The following ADAM18 variants were observed in gnomAD, a reference collection of about 807,000 sequenced individuals.
ADAM18 encodes the protein disintegrin and metalloproteinase domain-containing protein 18.
Under a neutral mutation model 94.4 loss-of-function variants are expected in ADAM18, and 117 were observed. The ratio of observed to expected loss-of-function variants is 1.24; its 90% CI spans 1.07 to 1.45. The LOEUF is 1.45. Among genes scored for constraint, ADAM18 ranks in the 40% most tolerant of loss-of-function variants. The pLI, the probability that ADAM18 is intolerant of heterozygous loss-of-function variation, is 0.00. For missense variants in ADAM18, 936 were observed against 880.0 expected, an observed-to-expected ratio of 1.06 and a Z score of -0.81; for synonymous variants, 327 against 291.6, an observed-to-expected ratio of 1.12 and a Z score of -1.24.
intron 2 of ADAM18, among the ~76,000 whole-genome samples, chr8:39,605,472 TGA>T (rs933143249): frequency 6.6e-5 from 10 of 152,250 alleles, no homozygotes; most frequent in African/African-American, 2.4e-4. Context: ...TTTTATATGT[TGA>T]GAGAGAGATG....
intron 18 of ADAM18, among the ~76,000 whole-genome samples, chr8:39,716,070 T>C (rs1330962423): frequency 2.6e-5 from 4 of 152,078 alleles, no homozygotes; most frequent in African/African-American, 9.7e-5. Context: ...TTCCTGATTT[T>C]ATTTATTTGC....
At chr8:39,592,994 A>T (rs1818621747) in intron 2 of ADAM18, among the ~76,000 whole-genome samples, 1 of 152,158 alleles carries the variant, frequency 6.6e-6, no homozygotes, top group Non-Finnish European at 1.5e-5. Flanking sequence ...GATCTTACAG[A>T]TCACTTGTTT....
intron 7 of ADAM18, among the ~76,000 whole-genome samples, chr8:39,630,341 G>A (rs73605969): frequency 0.036 from 5,432 of 151,192 alleles, 248 homozygotes; most frequent in African/African-American, 0.11. Flanking sequence ...AAATAATTAT[G>A]AGGCACTACG....
In ADAM18 at chr8:39,663,797, A is replaced by G. The variant is rs774496009; in HGVS notation, c.1233A>G (p.Glu411=). 3 of 1,606,362 alleles carry G rather than the reference A, an allele frequency of 1.9e-6. No individual in the cohort carries two copies. The highest frequency in any genetic ancestry group is 2.6e-6 in the Non-Finnish European group (3 of 1,175,746). Residue 411 remains glutamate, a splice_region_variant and synonymous_variant, in exon 13 of 20, where the codon GAA becomes GAG. Transcript: ENST00000265707. ...NEECDCGNKN[E]CQFKKCCDYN... is the part of the protein sequence containing the mutation. ...TATTTCTTCCTGTAAAATTTTAGGA[A>G]TGTCAATTTAAGAAGTGCTGTGATT...
chr8:39,647,934 T>TA, intron 11 of ADAM18, among the ~76,000 whole-genome samples: 1 of 152,280 alleles, frequency 6.6e-6, no homozygotes, highest in South Asian at 2.1e-4. Flanking sequence ...TGGAATTTCT[T>TA]ATGTCTTCTC....
At chr8:39,706,175 C>G (rs1822237132) in intron 17 of ADAM18, among the ~76,000 whole-genome samples, 1 of 151,986 alleles carries the variant, frequency 6.6e-6, no homozygotes, top group African/African-American at 2.4e-5. Context: ...GAAACATTGT[C>G]AAATGTTAAC....
At chr8:39,678,267 G>T (rs977980012) in intron 15 of ADAM18, among the ~76,000 whole-genome samples, 1 of 152,160 alleles carries the variant, frequency 6.6e-6, no homozygotes, top group Non-Finnish European at 1.5e-5. Context: ...AAATCCTCAG[G>T]TAAGCACCAC....
Position 39,722,209 on chromosome 8 carries a change from G to A in ADAM18, c.2018-1539G>A, listed in dbSNP as rs1351815715. Among the ~76,000 whole-genome samples, 449 of 73,070 alleles carry A rather than the reference G, an allele frequency of 6.1e-3. 6 individuals are homozygous for A. The highest frequency in any genetic ancestry group is 0.038 in the African/African-American group (429 of 11,274). 47.9% of individuals were successfully genotyped at this position (73,070 alleles called of 152,430 possible). A position where few individuals can be genotyped will look rare whatever the true frequency, so the allele number is the denominator to read the frequency against. ...TTATACCGTGTGTGTGTGTGTGTGT[G>A]TGTGTGTGTATATATATATATATAT... On this transcript the variant is annotated intron_variant, in intron 18 of 19. Coordinates refer to ENST00000265707, the MANE Select transcript of ADAM18 (RefSeq NM_014237.3).
chr8:39,620,556 TATA>T (rs891247154), intron 6 of ADAM18, among the ~76,000 whole-genome samples: 3 of 147,260 alleles, frequency 2.0e-5, no homozygotes, highest in African/African-American at 7.4e-5. Context: ...ATATTAAAAA[TATA>T]ATAATTTATA....
chr8:39,648,304 A>G (rs752645062), intron 11 of ADAM18, 40 bp from the exon 12 acceptor site: 4 of 1,499,680 alleles, frequency 2.7e-6, no homozygotes, highest in Non-Finnish European at 3.6e-6. Context: ...TGGTTTTATT[A>G]GCCAGGCTTA....
chr8:39,650,567 A>C (rs1163693942), intron 12 of ADAM18, among the ~76,000 whole-genome samples: 2 of 152,226 alleles, frequency 1.3e-5, no homozygotes, highest in Non-Finnish European at 2.9e-5. Flanking sequence ...AATACTTGGG[A>C]ATAAATTTAA....
At chr8:39,638,439 G>T (rs150455868) in intron 9 of ADAM18, 26 bp from the exon 10 acceptor site, 1 of 1,451,928 alleles carries the variant, frequency 6.9e-7, no homozygotes, top group South Asian at 1.4e-5. Context: ...GCATAACTAC[G>T]TTAATAAAAA....
chr8:39,637,357 T>C (rs1394383569), intron 8 of ADAM18, 22 bp downstream of exon 8: 3 of 1,578,962 alleles, frequency 1.9e-6, no homozygotes, highest in African/African-American at 1.4e-5. Flanking sequence ...CTTTTTCACA[T>C]TTCCATTTTC....
Position 39,648,416 on chromosome 8 carries a change from G to A in ADAM18, c.1119G>A (p.Glu373=), listed in dbSNP as rs1820442822. The A allele has an allele frequency of 2.5e-6, 4 of 1,613,046 alleles. No homozygotes were observed. The highest frequency in any genetic ancestry group is 3.4e-6 in the Non-Finnish European group (4 of 1,179,548). The change falls in exon 12 of 20, where the codon GAG becomes GAA. Residue 373 remains glutamate, a synonymous_variant. Coordinates refer to ENST00000265707, the MANE Select transcript of ADAM18 (RefSeq NM_014237.3). ...HDYRYFVSKF[E]TKCLQKLSNL... is the part of the protein sequence containing the mutation. ...ATAGATATTTTGTTTCAAAATTTGAGACTAAATGCCTTCAGAAGCTTTCAA... is the reference window on the plus strand; with the variant it reads ...ATAGATATTTTGTTTCAAAATTTGAAACTAAATGCCTTCAGAAGCTTTCAA...
At chr8:39,600,390 T>C (rs1288551027) in intron 2 of ADAM18, among the ~76,000 whole-genome samples, 1 of 152,222 alleles carries the variant, frequency 6.6e-6, no homozygotes, top group Middle Eastern at 3.2e-3. Context: ...TTTGATTGGA[T>C]CCAGGTAACT....
intron 18 of ADAM18, among the ~76,000 whole-genome samples, chr8:39,721,024 A>G (rs1347226279): frequency 1.3e-5 from 2 of 151,594 alleles, no homozygotes; most frequent in African/African-American, 2.4e-5. Flanking sequence ...GCAAAGGTAT[A>G]GTATGCATCA....
At chr8:39,659,378 A>T (rs1038225689) in intron 12 of ADAM18, among the ~76,000 whole-genome samples, 14 of 152,230 alleles carry the variant, frequency 9.2e-5, no homozygotes, top group African/African-American at 3.4e-4. Context: ...ATTTAAAAAA[A>T]AAACAAGCAA....
intron 2 of ADAM18, among the ~76,000 whole-genome samples, chr8:39,602,877 A>G (rs1347788328): frequency 6.6e-6 from 1 of 152,148 alleles, no homozygotes; most frequent in African/African-American, 2.4e-5. Flanking sequence ...CTCATCATCA[A>G]CACCAGGAAT....
At chr8:39,628,247 C>A (rs1232315687) in intron 6 of ADAM18, among the ~76,000 whole-genome samples, 1 of 151,560 alleles carries the variant, frequency 6.6e-6, no homozygotes, top group African/African-American at 2.4e-5. Context: ...AGACCAAACT[C>A]ACATATTTTA....
Sources: gnomAD v4.1 joint callset for allele counts (sites outside exome capture counted in the v4.1 genomes callset) on GRCh38, gnomAD v4.1.1 for gene constraint, MANE v1.5 for transcripts, NCBI Gene and HGNC (gene_info 2026-07-23, HGNC 2026-07-21) for gene names.